Variants in NRXN1 observed in about 807,000 individuals in gnomAD.
The protein encoded by NRXN1 is neurexin 1, also known as neurexin-1.
In NRXN1, 39 loss-of-function variants were observed where a neutral mutation model predicts 150.9. That is an observed-to-expected ratio of 0.26 (90% confidence interval 0.20 to 0.34). The LOEUF is 0.34. NRXN1 is among the 10% of genes least tolerant of loss of function. The pLI is 1.00. For missense variants in NRXN1, 1,815 were observed against 1,949.9 expected, an observed-to-expected ratio of 0.93 and a Z score of 1.30; for synonymous variants, 924 against 757.0, an observed-to-expected ratio of 1.22 and a Z score of -3.62.
At chr2:50,746,852 G>A (rs1176540449) in intron 5 of NRXN1, among the ~76,000 whole-genome samples, 1 of 152,096 alleles carries the variant, frequency 6.6e-6, no homozygotes, top group Non-Finnish European at 1.5e-5. Flanking sequence ...ACCGTTTCAA[G>A]AGCTCATAAA....
intron 5 of NRXN1, among the ~76,000 whole-genome samples, chr2:50,862,486 A>G (rs1427053328): frequency 1.3e-5 from 2 of 152,060 alleles, no homozygotes; most frequent in Non-Finnish European, 2.9e-5. Flanking sequence ...TTCTTTCAGC[A>G]TTAAGTGGTC....
At chr2:50,090,488 T>C (rs1225603239) in intron 19 of NRXN1, among the ~76,000 whole-genome samples, 1 of 152,150 alleles carries the variant, frequency 6.6e-6, no homozygotes, top group Non-Finnish European at 1.5e-5. Flanking sequence ...CTTTTAGTAA[T>C]AGAGACGATA....
At chr2:50,617,130 A>G (rs905069123) in intron 8 of NRXN1, among the ~76,000 whole-genome samples, 1 of 152,124 alleles carries the variant, frequency 6.6e-6, no homozygotes, top group African/African-American at 2.4e-5. Context: ...GAAACTATCA[A>G]CAACTAAAAA....
At chr2:50,967,006 C>T (rs1168372420) in intron 2 of NRXN1, among the ~76,000 whole-genome samples, 2 of 151,882 alleles carry the variant, frequency 1.3e-5, no homozygotes, top group Non-Finnish European at 2.9e-5. Context: ...TAAGATCAAA[C>T]TGTCAATAAC....
intron 18 of NRXN1, among the ~76,000 whole-genome samples, chr2:50,213,585 A>G (rs1245326737): frequency 6.6e-6 from 1 of 151,844 alleles, no homozygotes; most frequent in Non-Finnish European, 1.5e-5. Flanking sequence ...ACTCTACACA[A>G]AGGAACTTGT....
At chr2:50,960,071 AT>A (rs200219318) in intron 2 of NRXN1, among the ~76,000 whole-genome samples, 84 of 150,674 alleles carry the variant, frequency 5.6e-4, no homozygotes, top group African/African-American at 1.6e-3. Flanking sequence ...TCTCAAAAGA[AT>A]TTTTTTTTTC....
chr2:50,800,435 G>A (rs1707429571), intron 5 of NRXN1, among the ~76,000 whole-genome samples: 1 of 152,134 alleles, frequency 6.6e-6, no homozygotes, highest in Non-Finnish European at 1.5e-5. Context: ...GCGATTATAG[G>A]ACATGTTGTA....
At chr2:50,554,345 A>C (rs1044596266) in intron 8 of NRXN1, 1 of 152,152 alleles carries the variant, frequency 6.6e-6, no homozygotes, top group South Asian at 2.1e-4. Flanking sequence ...GAGATGGCTG[A>C]TGAGTTTCCT....
At chr2:50,274,324 C>G (rs944106371) in intron 17 of NRXN1, among the ~76,000 whole-genome samples, 2 of 152,124 alleles carry the variant, frequency 1.3e-5, no homozygotes, top group Admixed American at 6.5e-5. Flanking sequence ...CATGTTCTCA[C>G]TCTTAAGTGG....
intron 5 of NRXN1, among the ~76,000 whole-genome samples, chr2:50,834,333 AT>A (rs1368312909): frequency 6.6e-6 from 1 of 152,184 alleles, no homozygotes; most frequent in Non-Finnish European, 1.5e-5. Context: ...TGCTCAAAAT[AT>A]GGTTTAGGAG....
rs542343796 is a variant in NRXN1, at chr2:50,158,840, G to A, written c.3547-67346C>T. On this transcript the variant is annotated intron_variant, in intron 18 of 22. Transcript: ENST00000401669. ...TGTTTATTAAAAGATAGACATTTTT[G>A]ACATTTGGAAAGCAATAATTGATTC... Among the ~76,000 whole-genome samples the A allele has an allele frequency of 3.3e-5, 5 of 152,138 alleles. No homozygotes were observed. The South Asian group carries it at 8.3e-4, about 25-fold the overall frequency.
intron 18 of NRXN1, among the ~76,000 whole-genome samples, chr2:50,153,180 T>C (rs2058796561): frequency 6.6e-6 from 1 of 151,746 alleles, no homozygotes; most frequent in South Asian, 2.1e-4. Context: ...AGAACTTGTT[T>C]GCAATTTTTA....
chr2:50,405,083 G>C (rs1037890056), intron 17 of NRXN1, among the ~76,000 whole-genome samples: 1 of 152,082 alleles, frequency 6.6e-6, no homozygotes, highest in African/African-American at 2.4e-5. Context: ...AAATGACAAG[G>C]TGTGTGTGAT....
At chr2:50,306,520 T>G (rs932610759) in intron 17 of NRXN1, among the ~76,000 whole-genome samples, 2 of 152,244 alleles carry the variant, frequency 1.3e-5, no homozygotes, top group African/African-American at 4.8e-5. Flanking sequence ...CACAGCTGAC[T>G]TGAGCTCTAC....
At chr2:50,931,090 C>A (rs1687670792) in intron 2 of NRXN1, among the ~76,000 whole-genome samples, 1 of 152,076 alleles carries the variant, frequency 6.6e-6, no homozygotes, top group South Asian at 2.1e-4. Flanking sequence ...CTGTGTATTA[C>A]CATCAGAGAA....
intron 21 of NRXN1, among the ~76,000 whole-genome samples, chr2:50,017,123 G>A (rs1686773428): frequency 1.3e-5 from 2 of 152,112 alleles, no homozygotes; most frequent in South Asian, 4.1e-4. Flanking sequence ...CTATAATTGT[G>A]TAAACTTTTA....
At chr2:50,895,443 G>A (rs751307858) in intron 5 of NRXN1, among the ~76,000 whole-genome samples, 4 of 152,018 alleles carry the variant, frequency 2.6e-5, no homozygotes, top group Non-Finnish European at 4.4e-5. Flanking sequence ...TTTCTCTTCC[G>A]TAACATAAAG....
At position 50,553,031 on chromosome 2, in the gene NRXN1, G is replaced by T; in HGVS notation, c.1321-6C>A. On this transcript the variant is annotated splice_region_variant and splice_polypyrimidine_tract_variant and intron_variant, in intron 8 of 22. Coordinates refer to ENST00000401669, the MANE Select transcript of NRXN1 (RefSeq NM_001330078.2). ...TCATTATTTTTATATACAACCTGTGGGCAGAGGATAGCAGTGAGAAACTAG... is the reference window on the plus strand; with the variant it reads ...TCATTATTTTTATATACAACCTGTGTGCAGAGGATAGCAGTGAGAAACTAG... The T allele has an allele frequency of 6.3e-7, 1 of 1,594,150 alleles. No homozygotes were observed. The highest frequency in any genetic ancestry group is 8.5e-7 in the Non-Finnish European group (1 of 1,170,024).
intron 5 of NRXN1, among the ~76,000 whole-genome samples, chr2:50,749,994 G>A (rs766768861): frequency 1.4e-4 from 21 of 152,054 alleles, no homozygotes; most frequent in Non-Finnish European, 2.5e-4. Flanking sequence ...ATAAAAGATT[G>A]TATCCTAACA....
Sources: gnomAD v4.1 joint callset for allele counts (sites outside exome capture counted in the v4.1 genomes callset) on GRCh38, gnomAD v4.1.1 for gene constraint, MANE v1.5 for transcripts, NCBI Gene and HGNC (gene_info 2026-07-23, HGNC 2026-07-21) for gene names.